Variants in NRK observed in about 807,000 individuals in gnomAD.
NRK encodes the protein nik-related protein kinase.
In NRK, 67 loss-of-function variants were observed where a neutral mutation model predicts 125.2. The observed-to-expected ratio is 0.54, with a 90% CI of 0.44 to 0.66. The LOEUF (loss-of-function observed/expected upper bound fraction) is 0.66. Among genes scored for constraint, NRK ranks in the 30% least tolerant of loss-of-function variants. The pLI is 0.00. For missense variants in NRK, 1,224 were observed against 1,192.9 expected (o/e 1.03, Z -0.38); for synonymous variants, 458 against 429.0 (o/e 1.07, Z -0.84).
At chrX:105,933,824 T>C (rs184092) in intron 19 of NRK, among the ~76,000 whole-genome samples, 35,474 of 110,891 alleles carry the variant, frequency 0.32, 5,242 homozygotes, top group African/African-American at 0.59. Flanking sequence ...TGGCTTCAAA[T>C]TCTGCTTCCC....
chrX:105,871,890 GT>G (rs2039752924), intron 2 of NRK, among the ~76,000 whole-genome samples: 1 of 111,658 alleles, frequency 9.0e-6, no homozygotes, highest in African/African-American at 3.3e-5. Flanking sequence ...TAATCTCTTT[GT>G]TACTATTCTT....
At chrX:105,901,021 A>G (rs752809827) in intron 9 of NRK, among the ~76,000 whole-genome samples, 2 of 111,099 alleles carry the variant, frequency 1.8e-5, no homozygotes, top group African/African-American at 3.3e-5. Flanking sequence ...GTTCCAGTCT[A>G]TATTTCCTGG....
chrX:105,951,167 G>A (rs778540900), intron 27 of NRK, among the ~76,000 whole-genome samples: 7 of 111,131 alleles, frequency 6.3e-5, no homozygotes, highest in Non-Finnish European at 1.1e-4. Context: ...GCAAAAGAAA[G>A]TAAAAATAAT....
At chrX:105,846,658 G>A (rs371299771) in intron 2 of NRK, among the ~76,000 whole-genome samples, 3 of 111,375 alleles carry the variant, frequency 2.7e-5, no homozygotes, top group South Asian at 7.6e-4. Context: ...CAGAGATAGA[G>A]CCAGAAACAA....
Position 105,906,521 on chromosome X carries a change from A to G in NRK, c.953A>G (p.Asn318Ser), listed in dbSNP as rs1014902173. ...CACCCATTTGTTCGGGATATAAAAA[A>G]TGAACGACATGTTGTTGAGTCATTA... ...LQHPFVRDIK[N>S]ERHVVESLTR... Residue 318 changes from asparagine (N) to serine (S), a missense_variant, in exon 11 of 29, where the codon AAT becomes AGT. By Grantham distance (46) the Asn-to-Ser change is conservative (BLOSUM62 1). Coordinates refer to ENST00000243300, the MANE Select transcript of NRK (RefSeq NM_198465.4). 1 of 1,163,450 alleles carries G rather than the reference A, an allele frequency of 8.6e-7. No homozygotes were observed.
intron 4 of NRK, 69 bp downstream of exon 4, chrX:105,881,848 C>T: frequency 1.7e-6 from 1 of 592,674 alleles, no homozygotes. Flanking sequence ...TAACTTATCC[C>T]TTTGCATTGT....
chrX:105,834,952 G>A (rs1173630755), intron 2 of NRK, among the ~76,000 whole-genome samples: 1 of 111,321 alleles, frequency 9.0e-6, no homozygotes, highest in Admixed American at 9.6e-5. Flanking sequence ...AGCATTTCAT[G>A]CATTAATCAT....
rs1602598880 is a variant in NRK at position 105,841,869 on chromosome X, T to A, written c.123+10750T>A. Among the ~76,000 whole-genome samples, 3 of 111,360 alleles carry A rather than the reference T, an allele frequency of 2.7e-5. No homozygotes were observed. The Admixed American group carries it at 2.9e-4, about 11-fold the overall frequency. On this transcript the variant is annotated intron_variant, in intron 2 of 28. Coordinates refer to ENST00000243300, the MANE Select transcript of NRK (RefSeq NM_198465.4). The stretch of plus-strand genomic sequence containing the variant: ...ACATTTACTGAGTGCTTACAGCTCA[T>A]AAGAGCATTATGAGGTAGCTACCAT...
intron 2 of NRK, among the ~76,000 whole-genome samples, chrX:105,872,340 T>G (rs1679249600): frequency 8.9e-6 from 1 of 111,785 alleles, no homozygotes; most frequent in Non-Finnish European, 1.9e-5. Context: ...AAATAGCGCC[T>G]GTCAAACATC....
chrX:105,946,174 G>A, intron 25 of NRK, 141 bp from the exon 26 acceptor site: 1 of 720,767 alleles, frequency 1.4e-6, no homozygotes, highest in South Asian at 2.9e-5. Flanking sequence ...GTAATACACA[G>A]GTCTCTAAAT....
At position 105,898,629 on chromosome X, in the gene NRK, G is replaced by A. The variant is rs2040115771; in HGVS notation, c.626G>A (p.Arg209Lys). 1 of 1,197,699 alleles carries A rather than the reference G, an allele frequency of 8.3e-7. No homozygotes were observed. Among genetic ancestry groups the A allele is most frequent in the Non-Finnish European group, 1.1e-6 (1 of 886,747 alleles). The change falls in exon 8 of 29, where the codon AGG becomes AAG. Residue 209 changes from arginine (R) to lysine (K), a missense_variant. By Grantham distance (26) the Arg-to-Lys change is conservative (BLOSUM62 2). Coordinates refer to ENST00000243300, the MANE Select transcript of NRK (RefSeq NM_198465.4). ...CAGGTGAGCAGAACTAATGGAAGAA[G>A]GAATAGTTTCATTGGGACACCATAC... ...SAQVSRTNGR[R>K]NSFIGTPYWM...
intron 5 of NRK, among the ~76,000 whole-genome samples, chrX:105,892,692 A>C (rs1229914438): frequency 9.0e-6 from 1 of 111,586 alleles, no homozygotes; most frequent in Non-Finnish European, 1.9e-5. Context: ...GTGAAAATCA[A>C]CTTTTTGTGG....
At chrX:105,837,105 C>A (rs1485719934) in intron 2 of NRK, among the ~76,000 whole-genome samples, 1 of 111,162 alleles carries the variant, frequency 9.0e-6, no homozygotes, top group East Asian at 2.8e-4. Context: ...GTAAAGTATT[C>A]CTTATTATAT....
At chrX:105,828,323 T>C (rs1401744017) in intron 1 of NRK, among the ~76,000 whole-genome samples, 1 of 112,029 alleles carries the variant, frequency 8.9e-6, no homozygotes, top group Non-Finnish European at 1.9e-5. Flanking sequence ...GAAATCAAGT[T>C]TCCCAACATA....
Position 105,946,273 on chromosome X carries a change from T to C in NRK, c.4204-42T>C, listed in dbSNP as rs1311787594. On this transcript the variant is annotated intron_variant, in intron 25 of 28. Transcript: ENST00000243300. ...GGGAATTTTTGCCTTAGTTAGAATG[T>C]CATTTTTGGCCTTTTGGCCATATTT... 1.6e-5 allele frequency: 18 copies of C among 1,122,534 alleles called. No individual in the cohort carries two copies. The Admixed American group carries it at 3.7e-4, about 23-fold the overall frequency. The allele number at this position is 1,122,534 out of a possible 1,213,427, so 92.5% of individuals were successfully genotyped here. A position where few individuals can be genotyped will look rare whatever the true frequency, so the allele number is the denominator to read the frequency against.
chrX:105,903,632 A>T (rs2040186336), intron 9 of NRK, among the ~76,000 whole-genome samples: 1 of 111,520 alleles, frequency 9.0e-6, no homozygotes, highest in South Asian at 3.8e-4. Flanking sequence ...ACATTCCTGA[A>T]ATTAGACTAT....
In NRK at chrX:105,886,921, T is replaced by G. The variant is rs2039954538; in HGVS notation, c.253-1373T>G. Among the ~76,000 whole-genome samples, 3 of 110,944 alleles carry G rather than the reference T, an allele frequency of 2.7e-5. No individual in the cohort carries two copies. In the South Asian group the frequency reaches 1.1e-3, roughly 42 times the overall value. ...AAAATAATGAGGTTGGACTTTTACT[T>G]TATATAAAAGTTAACTCAAAATGGA... On this transcript the variant is annotated intron_variant, in intron 4 of 28. Coordinates refer to ENST00000243300, the MANE Select transcript of NRK (RefSeq NM_198465.4).
intron 6 of NRK, among the ~76,000 whole-genome samples, chrX:105,894,890 A>T (rs1368648584): frequency 2.7e-5 from 3 of 112,102 alleles, no homozygotes; most frequent in African/African-American, 9.7e-5. Flanking sequence ...TGCATACCAC[A>T]TCATGGGTTA....
chrX:105,936,162 T>C (rs1426226770), intron 21 of NRK, among the ~76,000 whole-genome samples: 1 of 111,698 alleles, frequency 9.0e-6, no homozygotes, highest in Non-Finnish European at 1.9e-5. Context: ...ACCTCTGTCT[T>C]GCAATTTCAT....
Sources: gnomAD v4.1 joint callset for allele counts (sites outside exome capture counted in the v4.1 genomes callset) on GRCh38, gnomAD v4.1.1 for gene constraint, MANE v1.5 for transcripts, NCBI Gene and HGNC (gene_info 2026-07-23, HGNC 2026-07-21) for gene names.